HNF4G: variants seen among roughly 807,000 people sequenced by gnomAD.
The protein encoded by HNF4G is hepatocyte nuclear factor 4-gamma.
Under a neutral mutation model 50.9 loss-of-function variants are expected in HNF4G, and 21 were observed. That is an observed-to-expected ratio of 0.41 (90% CI 0.29 to 0.59). The LOEUF (loss-of-function observed/expected upper bound fraction) is 0.59. Among genes scored for constraint, HNF4G ranks in the 20% least tolerant of loss-of-function variants. The pLI is 0.26. For synonymous variants in HNF4G, 198 were observed against 185.6 expected (o/e 1.07, Z -0.54); for missense variants, 527 against 559.4 (o/e 0.94, Z 0.58).
intron 1 of HNF4G, among the ~76,000 whole-genome samples, chr8:75,444,059 A>C (rs1020123471): frequency 2.8e-4 from 43 of 152,326 alleles, no homozygotes; most frequent in Admixed American, 3.9e-4. Flanking sequence ...AGGGAAGCCC[A>C]TCAGACTAAC....
upstream of HNF4G, among the ~76,000 whole-genome samples, chr8:75,539,473 T>A (rs1163704397): frequency 6.6e-6 from 1 of 152,196 alleles, no homozygotes; most frequent in Non-Finnish European, 1.5e-5. Context: ...TGTAAAGTGT[T>A]TATGTGAAAT....
At chr8:75,521,082 A>AT (rs1468792880) in intron 2 of HNF4G, among the ~76,000 whole-genome samples, 1 of 152,150 alleles carries the variant, frequency 6.6e-6, no homozygotes, top group Non-Finnish European at 1.5e-5. Flanking sequence ...AAGTGGATAT[A>AT]TTTTATACAT....
rs564596613 is a variant in HNF4G, at chr8:75,513,140, C to T, written c.-24+22932C>T. On this transcript the variant is annotated intron_variant, in intron 2 of 10. Transcript: ENST00000354370. ...ATAACCTTCGCCTCCTGGCTTCAAG[C>T]GATTCTCCTGCCTCAGCCTCCTGAG... Among the ~76,000 whole-genome samples, 8 of 152,118 alleles carry T rather than the reference C, an allele frequency of 5.3e-5. No individual in the cohort carries two copies. The East Asian group carries it at 1.2e-3, about 22-fold the overall frequency.
chr8:75,511,996 G>A (rs1253082256), intron 2 of HNF4G, among the ~76,000 whole-genome samples: 2 of 152,078 alleles, frequency 1.3e-5, no homozygotes, highest in Non-Finnish European at 2.9e-5. Context: ...TTTTTTATTA[G>A]TTTATTGGCC....
intron 1 of HNF4G, among the ~76,000 whole-genome samples, chr8:75,453,504 GC>G (rs777845560): frequency 8.6e-6 from 1 of 116,332 alleles, no homozygotes; most frequent in Non-Finnish European, 1.8e-5. Context: ...CCACCCCCCT[GC>G]CCCCCCGCCC....
chr8:75,438,634 C>T (rs1811198352), intron 1 of HNF4G, among the ~76,000 whole-genome samples: 1 of 151,706 alleles, frequency 6.6e-6, no homozygotes, highest in South Asian at 2.1e-4. Context: ...TTTTACCTTG[C>T]TTGCTTTCTG....
intron 1 of HNF4G, among the ~76,000 whole-genome samples, chr8:75,541,041 A>G (rs960151234): frequency 1.3e-5 from 2 of 152,154 alleles, no homozygotes; most frequent in Non-Finnish European, 1.5e-5. Flanking sequence ...CTGAAAATTT[A>G]GCACAACTAT....
intron 1 of HNF4G, among the ~76,000 whole-genome samples, chr8:75,482,736 A>T (rs1812410249): frequency 6.6e-6 from 1 of 152,100 alleles, no homozygotes; most frequent in Non-Finnish European, 1.5e-5. Context: ...TAGAACACTG[A>T]CAAGTTTATA....
chr8:75,523,328 C>T (rs1002303967), intron 2 of HNF4G, among the ~76,000 whole-genome samples: 3 of 152,204 alleles, frequency 2.0e-5, no homozygotes, highest in African/African-American at 7.2e-5. Flanking sequence ...AATTCCTTCT[C>T]TCTAAATCTT....
intron 1 of HNF4G, among the ~76,000 whole-genome samples, chr8:75,449,098 C>A (rs377216251): frequency 6.6e-6 from 1 of 152,130 alleles, no homozygotes; most frequent in Non-Finnish European, 1.5e-5. Context: ...GTTTCTTTCT[C>A]ATGTAACAAC....
At chr8:75,424,251 C>T (rs1399160187) in intron 1 of HNF4G, among the ~76,000 whole-genome samples, 1 of 151,988 alleles carries the variant, frequency 6.6e-6, no homozygotes, top group Non-Finnish European at 1.5e-5. Flanking sequence ...TAATATTTAG[C>T]ATTATCTTCT....
intron 1 of HNF4G, among the ~76,000 whole-genome samples, chr8:75,451,340 A>T (rs1049643020): frequency 2.0e-5 from 3 of 151,798 alleles, no homozygotes; most frequent in Non-Finnish European, 4.4e-5. Flanking sequence ...TTTTAGTCTG[A>T]TATAATTCCA....
intron 1 of HNF4G, among the ~76,000 whole-genome samples, chr8:75,489,575 T>C (rs1438882309): frequency 6.6e-6 from 1 of 152,212 alleles, no homozygotes; most frequent in Non-Finnish European, 1.5e-5. Flanking sequence ...TTGAACTCTA[T>C]AACTTTCTGA....
intron 1 of HNF4G, among the ~76,000 whole-genome samples, chr8:75,477,515 A>G (rs1812267308): frequency 6.6e-6 from 1 of 152,158 alleles, no homozygotes; most frequent in Admixed American, 6.5e-5. Context: ...AATTTACGCA[A>G]GAGAGAACTA....
intron 8 of HNF4G, 108 bp from the exon 9 acceptor site, chr8:75,560,236 T>C: frequency 8.5e-7 from 1 of 1,169,612 alleles, no homozygotes; most frequent in East Asian, 2.4e-5. Flanking sequence ...CAAAAAGCAC[T>C]TGGCAAAAAT....
At chr8:75,490,670 A>T (rs1812606006) in intron 2 of HNF4G, among the ~76,000 whole-genome samples, 1 of 152,048 alleles carries the variant, frequency 6.6e-6, no homozygotes, top group Admixed American at 6.5e-5. Context: ...AAAGATGGCA[A>T]GTGTTTTCTC....
intron 1 of HNF4G, among the ~76,000 whole-genome samples, chr8:75,480,777 C>G (rs1812359169): frequency 1.4e-5 from 2 of 142,308 alleles, no homozygotes; most frequent in Admixed American, 1.5e-4. Flanking sequence ...GTGGCGTGAT[C>G]TCGGCTCACT....
chr8:75,477,244 T>C (rs1356822549), intron 1 of HNF4G, among the ~76,000 whole-genome samples: 2 of 152,236 alleles, frequency 1.3e-5, no homozygotes, highest in Non-Finnish European at 1.5e-5. Flanking sequence ...ATGTTCCCCA[T>C]GGTCAGAGCC....
chr8:75,457,617 C>A (rs1811752351), intron 1 of HNF4G, among the ~76,000 whole-genome samples: 1 of 152,020 alleles, frequency 6.6e-6, no homozygotes, highest in African/African-American at 2.4e-5. Flanking sequence ...TTGGAAATTC[C>A]TTGGAGCCTG....
Sources: allele counts gnomAD v4.1 joint callset (sites outside exome capture counted in the v4.1 genomes callset), GRCh38; gene constraint gnomAD v4.1.1; transcripts MANE v1.5; gene names NCBI Gene and HGNC (gene_info 2026-07-23, HGNC 2026-07-21).